Variants in WDFY3 observed in about 807,000 individuals in gnomAD.
WDFY3 encodes WD repeat and FYVE domain containing 3.
In WDFY3, 66 loss-of-function variants were observed where a neutral mutation model predicts 409.6. The observed-to-expected ratio is 0.16, with a 90% CI of 0.13 to 0.20. The LOEUF (loss-of-function observed/expected upper bound fraction) is 0.20, where lower values mean the gene tolerates loss of function less well. WDFY3 is among the 10% of genes least tolerant of loss of function. The pLI is 1.00. For synonymous variants in WDFY3, 1,521 were observed against 1,537.1 expected (o/e 0.99, Z 0.25); for missense variants, 3,031 against 4,298.1 (o/e 0.71, Z 8.24).
At chr4:84,880,121 G>A (rs558242097) in intron 3 of WDFY3, among the ~76,000 whole-genome samples, 5 of 152,286 alleles carry the variant, frequency 3.3e-5, no homozygotes, top group African/African-American at 1.2e-4. Flanking sequence ...AGTCAGGAGA[G>A]AGAAGGAGAT....
chr4:84,892,921 CAG>C (rs1765140180), intron 3 of WDFY3, among the ~76,000 whole-genome samples: 1 of 152,182 alleles, frequency 6.6e-6, no homozygotes, highest in Admixed American at 6.5e-5. Context: ...CACAGCAGAA[CAG>C]AAACCTGAAT....
chr4:84,681,222 CA>C (rs1356537982), intron 64 of WDFY3, among the ~76,000 whole-genome samples: 3 of 152,182 alleles, frequency 2.0e-5, no homozygotes, highest in South Asian at 4.1e-4. Context: ...TAAAGACATA[CA>C]AATATCTTTC....
chr4:84,825,722 T>C (rs759606740), intron 10 of WDFY3, among the ~76,000 whole-genome samples: 125 of 152,224 alleles, frequency 8.2e-4, no homozygotes, highest in Non-Finnish European at 1.7e-3. Context: ...AATTTAAATA[T>C]GTATTACAAA....
chr4:84,791,673 T>C (rs1748556059), intron 21 of WDFY3, among the ~76,000 whole-genome samples: 1 of 152,180 alleles, frequency 6.6e-6, no homozygotes, highest in African/African-American at 2.4e-5. Context: ...CTATTATTAG[T>C]GGCTGTACTG....
intron 1 of WDFY3, among the ~76,000 whole-genome samples, chr4:84,942,503 T>C (rs1397977170): frequency 6.6e-6 from 1 of 152,204 alleles, no homozygotes. Context: ...TTTGTGGACA[T>C]GTGCTTTCAT....
intron 1 of WDFY3, among the ~76,000 whole-genome samples, chr4:84,933,855 T>A (rs953750426): frequency 6.6e-6 from 1 of 152,144 alleles, no homozygotes; most frequent in African/African-American, 2.4e-5. Flanking sequence ...AATGACAGGA[T>A]CTCATTCTTT....
chr4:84,696,898 G>T, intron 56 of WDFY3, 75 bp from the exon 57 acceptor site: 1 of 1,315,966 alleles, frequency 7.6e-7, no homozygotes, highest in Non-Finnish European at 1.1e-6. Flanking sequence ...TAATCTGACT[G>T]AGAAATGGTG....
intron 5 of WDFY3, among the ~76,000 whole-genome samples, chr4:84,845,424 GA>G (rs1436757259): frequency 1.3e-5 from 2 of 152,138 alleles, no homozygotes; most frequent in African/African-American, 2.4e-5. Context: ...GGGCTGAGGA[GA>G]GGGGGAAATG....
chr4:84,839,434 T>C lies in WDFY3; in HGVS notation c.414+1720A>G, dbSNP rs1032006627. On this transcript the variant is annotated intron_variant, in intron 6 of 67. Transcript: ENST00000295888. ...ACTCTGGGACCATTTGAAGATTACT[T>C]ACAATAACCAACCCTCTCCATTTGC... 3.3e-5 allele frequency among the ~76,000 whole-genome samples: 5 copies of C among 152,060 alleles called. No individual in the cohort carries two copies. The East Asian group carries it at 9.6e-4, about 29-fold the overall frequency.
chr4:84,733,197 T>G (rs566966937), intron 44 of WDFY3, among the ~76,000 whole-genome samples, 185 bp downstream of exon 44: 38 of 152,310 alleles, frequency 2.5e-4, no homozygotes, highest in African/African-American at 8.9e-4. Context: ...TTTATTATGA[T>G]GTCTCCTTCT....
Position 84,675,751 on chromosome 4 carries a change from C to T in WDFY3, c.10457+1448G>A, listed in dbSNP as rs114510306. Among the ~76,000 whole-genome samples the T allele has an allele frequency of 3.1e-3, 471 of 151,636 alleles. 4 individuals are homozygous for T. The highest frequency in any genetic ancestry group is 4.4e-3 in the Non-Finnish European group (300 of 67,916). Reference sequence around the variant, plus strand: ...ATCTCTGGAGTAAGGCAATATAAGCCTTAAAGTGTACTGTCCATGGAATCC... The same window carrying T: ...ATCTCTGGAGTAAGGCAATATAAGCTTTAAAGTGTACTGTCCATGGAATCC... On this transcript the variant is annotated intron_variant, in intron 67 of 67. Transcript: ENST00000295888.
intron 3 of WDFY3, among the ~76,000 whole-genome samples, chr4:84,875,374 T>C (rs1762644288): frequency 6.6e-6 from 1 of 151,980 alleles, no homozygotes. Context: ...TAGTTATGAA[T>C]GGAGCTTGCA....
intron 4 of WDFY3, among the ~76,000 whole-genome samples, chr4:84,856,259 T>G (rs1041270899): frequency 1.3e-5 from 2 of 152,150 alleles, no homozygotes; most frequent in Non-Finnish European, 2.9e-5. Flanking sequence ...CAAATATAAA[T>G]TGGAAATAAG....
At chr4:84,900,024 G>A (rs1369007152) in intron 2 of WDFY3, among the ~76,000 whole-genome samples, 1 of 152,026 alleles carries the variant, frequency 6.6e-6, no homozygotes, top group Non-Finnish European at 1.5e-5. Flanking sequence ...CTCTAGCCTG[G>A]GTGACAAAGC....
chr4:84,676,570 C>T (rs995640355), intron 67 of WDFY3, among the ~76,000 whole-genome samples: 9 of 148,862 alleles, frequency 6.0e-5, no homozygotes, highest in African/African-American at 2.0e-4. Context: ...TGCATTGTAG[C>T]ATTATTTATA....
chr4:84,939,131 A>G (rs1161025845), intron 1 of WDFY3, among the ~76,000 whole-genome samples: 1 of 152,082 alleles, frequency 6.6e-6, no homozygotes, highest in African/African-American at 2.4e-5. Context: ...ACACTTCCAT[A>G]GCCTTTCTTT....
intron 67 of WDFY3, among the ~76,000 whole-genome samples, chr4:84,674,852 A>G (rs184257562): frequency 0.027 from 4,056 of 151,924 alleles, 79 homozygotes; most frequent in South Asian, 0.042. Flanking sequence ...TGGGTGACAG[A>G]GTGAGACTCC....
intron 1 of WDFY3, among the ~76,000 whole-genome samples, chr4:84,933,718 T>G (rs1316078798): frequency 2.0e-5 from 3 of 152,082 alleles, no homozygotes; most frequent in Non-Finnish European, 4.4e-5. Context: ...CTCTATTCTC[T>G]ATTTATGAGT....
intron 3 of WDFY3, among the ~76,000 whole-genome samples, chr4:84,882,147 C>T (rs1763622697): frequency 6.6e-6 from 1 of 152,038 alleles, no homozygotes; most frequent in Non-Finnish European, 1.5e-5. Context: ...CACATATAAT[C>T]CTCATCACCT....
Sources: gnomAD v4.1 joint callset for allele counts (sites outside exome capture counted in the v4.1 genomes callset) on GRCh38, gnomAD v4.1.1 for gene constraint, MANE v1.5 for transcripts, NCBI Gene and HGNC (gene_info 2026-07-23, HGNC 2026-07-21) for gene names.